Variants in LRRC7 observed in about 807,000 individuals in gnomAD.
The protein encoded by LRRC7 is leucine rich repeat containing 7, also known as leucine-rich repeat-containing protein 7.
Under a neutral mutation model 175.7 loss-of-function variants are expected in LRRC7, and 23 were observed. The ratio of observed to expected loss-of-function variants is 0.13; its 90% CI spans 0.09 to 0.19. The LOEUF is 0.19. Among genes scored for constraint, LRRC7 ranks in the 10% least tolerant of loss-of-function variants. The pLI, the probability that LRRC7 is intolerant of heterozygous loss-of-function variation, is 1.00. For synonymous variants in LRRC7, 685 were observed against 680.9 expected (o/e 1.01, Z -0.09); for missense variants, 1,354 against 1,904.7 (o/e 0.71, Z 5.38).
intron 8 of LRRC7, among the ~76,000 whole-genome samples, chr1:69,977,842 T>G (rs1652984263): frequency 6.6e-6 from 1 of 152,188 alleles, no homozygotes. Context: ...CCTTTTGTGT[T>G]AAATCACTGA....
rs376318937 is a variant in LRRC7 at position 69,966,343 on chromosome 1, A to G, written c.712-14036A>G. Among the ~76,000 whole-genome samples, 11 of 152,288 alleles carry G rather than the reference A, an allele frequency of 7.2e-5. No homozygotes were observed. The East Asian group carries it at 1.5e-3, about 21-fold the overall frequency. ...ACAAGTTTTTTTAATTACAGTATCT[A>G]CCATGTAATCTCATACAATTTTAAA... On this transcript the variant is annotated intron_variant, in intron 8 of 26. Transcript: ENST00000651989.
intron 1 of LRRC7, among the ~76,000 whole-genome samples, chr1:69,620,722 T>C (rs1650430649): frequency 6.6e-6 from 1 of 152,236 alleles, no homozygotes; most frequent in Non-Finnish European, 1.5e-5. Context: ...CCTCCTTTCA[T>C]AGGATATTGT....
chr1:69,955,295 A>G (rs1447887926), intron 8 of LRRC7, among the ~76,000 whole-genome samples: 1 of 152,078 alleles, frequency 6.6e-6, no homozygotes, highest in Non-Finnish European at 1.5e-5. Context: ...AATTTCAGCT[A>G]TGCCAAGTGT....
intron 1 of LRRC7, chr1:69,607,112 G>A (rs1272108508): frequency 6.6e-6 from 1 of 152,020 alleles, no homozygotes; most frequent in Non-Finnish European, 1.5e-5. Flanking sequence ...AATTTTTGTT[G>A]GTTTGGAATA....
chr1:69,724,739 A>G (rs763064435), intron 2 of LRRC7, among the ~76,000 whole-genome samples: 1 of 152,188 alleles, frequency 6.6e-6, no homozygotes, highest in Non-Finnish European at 1.5e-5. Context: ...AGAGACTTAT[A>G]CTTGTGGGTG....
At chr1:69,633,537 T>C (rs1215586162) in intron 1 of LRRC7, among the ~76,000 whole-genome samples, 1 of 152,104 alleles carries the variant, frequency 6.6e-6, no homozygotes, top group Non-Finnish European at 1.5e-5. Flanking sequence ...CAATCAATTC[T>C]CCTGCCTCAG....
chr1:70,076,592 C>T (rs1459662036), intron 24 of LRRC7, among the ~76,000 whole-genome samples: 1 of 152,194 alleles, frequency 6.6e-6, no homozygotes, highest in African/African-American at 2.4e-5. Context: ...TCCAATTTAG[C>T]TCTACAGTAC....
At chr1:69,943,250 A>G (rs372249932) in intron 8 of LRRC7, among the ~76,000 whole-genome samples, 6 of 152,176 alleles carry the variant, frequency 3.9e-5, no homozygotes, top group African/African-American at 1.4e-4. Flanking sequence ...ATATCCATAC[A>G]ATGGAATAGT....
chr1:70,125,341 C>T lies in LRRC7; in HGVS notation c.*3454C>T, dbSNP rs17510176. ...TAAAACAATCTCAGTTGTTTCTGGA[C>T]CTTACCTTGGATCACGACCTTTGAG... On this transcript the variant is annotated 3_prime_UTR_variant, in exon 27 of 27. Coordinates refer to ENST00000651989, the MANE Select transcript of LRRC7 (RefSeq NM_001370785.2). Among the ~76,000 whole-genome samples, 6,836 of 152,228 alleles carry T rather than the reference C, an allele frequency of 0.045. 212 individuals are homozygous for T. The highest frequency in any genetic ancestry group is 0.062 in the Non-Finnish European group (4,208 of 68,012).
chr1:69,939,285 T>C (rs980673843), intron 8 of LRRC7, among the ~76,000 whole-genome samples: 3 of 151,510 alleles, frequency 2.0e-5, no homozygotes, highest in Admixed American at 6.6e-5. Context: ...AAAGGTGAAA[T>C]TGGGTCTTCG....
intron 3 of LRRC7, among the ~76,000 whole-genome samples, chr1:69,780,233 G>A (rs550132513): frequency 2.6e-5 from 4 of 152,230 alleles, no homozygotes; most frequent in South Asian, 4.1e-4. Context: ...ACAATTCCAC[G>A]TATTTAAATT....
chr1:69,787,815 A>G (rs556116389), intron 3 of LRRC7, among the ~76,000 whole-genome samples: 4 of 151,698 alleles, frequency 2.6e-5, no homozygotes, highest in Admixed American at 6.6e-5. Context: ...TGATTCAATT[A>G]CCTCCCACCG....
chr1:69,864,400 A>G (rs370188679), intron 7 of LRRC7, among the ~76,000 whole-genome samples: 5 of 152,330 alleles, frequency 3.3e-5, no homozygotes, highest in Admixed American at 3.3e-4. Flanking sequence ...ACAAAAGTCT[A>G]TAATGATATT....
intron 4 of LRRC7, among the ~76,000 whole-genome samples, chr1:69,815,867 T>C (rs1678525076): frequency 6.6e-6 from 1 of 152,142 alleles, no homozygotes; most frequent in African/African-American, 2.4e-5. Context: ...AGTGTTCTTA[T>C]TAAAAAGACC....
At chr1:69,621,192 G>T (rs1650522848) in intron 1 of LRRC7, among the ~76,000 whole-genome samples, 1 of 151,932 alleles carries the variant, frequency 6.6e-6, no homozygotes, top group Non-Finnish European at 1.5e-5. Context: ...TTACAGGCAT[G>T]TGCCACCATG....
intron 2 of LRRC7, among the ~76,000 whole-genome samples, chr1:69,697,933 A>G (rs1429220424): frequency 6.6e-6 from 1 of 152,198 alleles, no homozygotes; most frequent in Non-Finnish European, 1.5e-5. Flanking sequence ...AAAACCAAAT[A>G]TCCTCAGGTA....
chr1:69,671,713 C>A (rs1236723409), intron 1 of LRRC7, among the ~76,000 whole-genome samples: 7 of 152,076 alleles, frequency 4.6e-5, no homozygotes, highest in Admixed American at 2.0e-4. Flanking sequence ...GGCTAGGGCT[C>A]GTTTAAAAAC....
rs535045459 is a variant in LRRC7 at position 70,140,118 on chromosome 1, G to A, written c.*18231G>A. 6.6e-6 allele frequency: 1 copy of A among 152,130 alleles called. No homozygotes were observed. Among genetic ancestry groups the A allele is most frequent in the Non-Finnish European group, 1.5e-5 (1 of 67,966 alleles). 9.4% of individuals were successfully genotyped at this position (152,130 alleles called of 1,614,324 possible). Reference sequence around the variant, plus strand: ...AAACTAGATGTGCAATAATCTTGTCGAGTAGTATGTGCTGGTTTTGGAAAG... The same window carrying A: ...AAACTAGATGTGCAATAATCTTGTCAAGTAGTATGTGCTGGTTTTGGAAAG... On this transcript the variant is annotated 3_prime_UTR_variant, in exon 27 of 27. Coordinates refer to ENST00000651989, the MANE Select transcript of LRRC7 (RefSeq NM_001370785.2).
chr1:69,700,876 C>A (rs1278105460), intron 2 of LRRC7, among the ~76,000 whole-genome samples: 1 of 152,138 alleles, frequency 6.6e-6, no homozygotes, highest in Non-Finnish European at 1.5e-5. Context: ...TCATGTTGTG[C>A]TGTATATCAA....
Sources: allele counts gnomAD v4.1 joint callset (sites outside exome capture counted in the v4.1 genomes callset), GRCh38; gene constraint gnomAD v4.1.1; transcripts MANE v1.5; gene names NCBI Gene and HGNC (gene_info 2026-07-23, HGNC 2026-07-21).